SMYD3: variants seen among roughly 807,000 people sequenced by gnomAD.
The protein encoded by SMYD3 is histone-lysine N-methyltransferase SMYD3.
SMYD3 carries 36 observed loss-of-function variants against 57.7 expected under a neutral mutation model. The observed-to-expected ratio is 0.62, with a 90% CI of 0.48 to 0.82. The LOEUF is 0.82. SMYD3 is among the 40% of genes least tolerant of loss of function. The pLI, the probability that SMYD3 is intolerant of heterozygous loss-of-function variation, is 0.00. For synonymous variants in SMYD3, 211 were observed against 195.0 expected (o/e 1.08, Z -0.68); for missense variants, 515 against 538.8 (o/e 0.96, Z 0.44).
intron 5 of SMYD3, among the ~76,000 whole-genome samples, chr1:246,180,914 C>A (rs1355695075): frequency 6.6e-6 from 1 of 151,496 alleles, no homozygotes; most frequent in East Asian, 1.9e-4. Context: ...GCGTAAGGAG[C>A]CATAAAGAGA....
chr1:245,940,512 G>C (rs1158729425), intron 5 of SMYD3, among the ~76,000 whole-genome samples: 1 of 152,010 alleles, frequency 6.6e-6, no homozygotes, highest in Non-Finnish European at 1.5e-5. Flanking sequence ...ATACGGTCTG[G>C]AATGGACTCA....
chr1:246,415,529 G>T (rs1189840015), intron 1 of SMYD3, among the ~76,000 whole-genome samples: 2 of 152,064 alleles, frequency 1.3e-5, no homozygotes, highest in Non-Finnish European at 2.9e-5. Context: ...CTAGTTCATA[G>T]AACTAGATCT....
intron 5 of SMYD3, among the ~76,000 whole-genome samples, chr1:246,183,324 G>A (rs1572170622): frequency 6.6e-6 from 1 of 151,376 alleles, no homozygotes; most frequent in Admixed American, 6.6e-5. Context: ...CGTCTTCAAA[G>A]CATTTTCAAG....
In SMYD3 at chr1:245,954,416, G is replaced by A. The variant is rs1314507182; in HGVS notation, c.532-24479C>T. 5.9e-5 allele frequency among the ~76,000 whole-genome samples: 9 copies of A among 152,338 alleles called. No individual in the cohort carries two copies. The East Asian group carries it at 9.6e-4, about 16-fold the overall frequency. ...GCCAGGTGTGGTGGCTCACACACCTGTAATCTTAGCACTTTGGGAGACTGA... is the reference window on the plus strand; with the variant it reads ...GCCAGGTGTGGTGGCTCACACACCTATAATCTTAGCACTTTGGGAGACTGA... On this transcript the variant is annotated intron_variant, in intron 5 of 11. Transcript: ENST00000490107.
chr1:246,158,645 A>G (rs1490199004), intron 5 of SMYD3, among the ~76,000 whole-genome samples: 2 of 152,198 alleles, frequency 1.3e-5, no homozygotes, highest in Non-Finnish European at 2.9e-5. Context: ...TACGTGCTCA[A>G]TTTATTGATG....
intron 5 of SMYD3, among the ~76,000 whole-genome samples, chr1:246,151,834 C>G (rs1364943584): frequency 2.0e-5 from 3 of 152,182 alleles, no homozygotes; most frequent in African/African-American, 7.2e-5. Flanking sequence ...GGCCTGCTTT[C>G]CAGTGACCTT....
At chr1:246,446,319 T>A (rs2067551417) in intron 1 of SMYD3, among the ~76,000 whole-genome samples, 3 of 152,184 alleles carry the variant, frequency 2.0e-5, no homozygotes. Flanking sequence ...ATAAAAAAAG[T>A]ATTATCATAT....
At chr1:245,832,093 C>G (rs2049868803) in intron 10 of SMYD3, among the ~76,000 whole-genome samples, 1 of 152,178 alleles carries the variant, frequency 6.6e-6, no homozygotes, top group African/African-American at 2.4e-5. Context: ...GCATCTTTTA[C>G]CACATTCAGT....
chr1:245,938,862 G>T (rs12063272), intron 5 of SMYD3, among the ~76,000 whole-genome samples: 3 of 152,322 alleles, frequency 2.0e-5, no homozygotes, highest in Admixed American at 6.5e-5. Flanking sequence ...CACCGCTTCA[G>T]TGAGTTGCTG....
intron 5 of SMYD3, among the ~76,000 whole-genome samples, chr1:246,032,434 C>T (rs1192681447): frequency 1.3e-5 from 2 of 152,194 alleles, no homozygotes; most frequent in Admixed American, 1.3e-4. Flanking sequence ...CTGAGCATTA[C>T]CAGCCATGAG....
At chr1:245,812,700 C>CAAAAA (rs201426225) in intron 10 of SMYD3, among the ~76,000 whole-genome samples, 975 of 46,412 alleles carry the variant, frequency 0.021, 31 homozygotes, top group African/African-American at 0.04. Context: ...AACAACAGTT[C>CAAAAA]CAAAAAAAAA....
chr1:246,358,547 T>C (rs544899637), intron 1 of SMYD3, among the ~76,000 whole-genome samples: 13 of 152,248 alleles, frequency 8.5e-5, no homozygotes, highest in South Asian at 8.3e-4. Flanking sequence ...TTCTCCAAGA[T>C]AGAACATATG....
Position 246,231,745 on chromosome 1 carries a change from T to C in SMYD3, c.531+95456A>G, listed in dbSNP as rs921615985. On this transcript the variant is annotated intron_variant, in intron 5 of 11. Transcript: ENST00000490107. ...AAGGCATGGCATGAATGATAATTAC[T>C]GCTTTGGGTACAAATCTGCACACAT... 4.1e-4 allele frequency among the ~76,000 whole-genome samples: 63 copies of C among 152,346 alleles called. No individual in the cohort carries two copies. The East Asian group carries it at 4.2e-3, about 10-fold the overall frequency.
chr1:246,125,079 A>ACACAC lies in SMYD3; in HGVS notation c.532-195143_532-195142insGTGTG, dbSNP rs1206513856. On this transcript the variant is annotated intron_variant, in intron 5 of 11. Coordinates refer to ENST00000490107, the MANE Select transcript of SMYD3 (RefSeq NM_001167740.2). ...AGAGCGAGACTCCGTCTCAAAAAAAAAAAAAAAAACACACACACACACACA... is the reference window on the plus strand; with the variant it reads ...AGAGCGAGACTCCGTCTCAAAAAAAACACACAAAAAAAAACACACACACACACACA... Among the ~76,000 whole-genome samples the ACACAC allele has an allele frequency of 2.7e-3, 292 of 108,284 alleles. 3 individuals are homozygous for ACACAC. Among genetic ancestry groups the ACACAC allele is most frequent in the African/African-American group, 6.9e-3 (251 of 36,128 alleles). 71.0% of individuals were successfully genotyped at this position (108,284 alleles called of 152,430 possible). A position where few individuals can be genotyped will look rare whatever the true frequency, so the allele number is the denominator to read the frequency against.
In SMYD3 at chr1:246,393,127, G is replaced by A. The variant is rs2066599482; in HGVS notation, c.165-38033C>T. On this transcript the variant is annotated intron_variant, in intron 1 of 11. Coordinates refer to ENST00000490107, the MANE Select transcript of SMYD3 (RefSeq NM_001167740.2). ...TATACAATCCATATAATGAGTACAA[G>A]TTTTATTTTAGAAAGAAGGAAAATG... Among the ~76,000 whole-genome samples, 9 of 152,064 alleles carry A rather than the reference G, an allele frequency of 5.9e-5. No individual in the cohort carries two copies. The South Asian group carries it at 1.9e-3, about 32-fold the overall frequency.
intron 1 of SMYD3, among the ~76,000 whole-genome samples, chr1:246,364,591 T>C (rs946444449): frequency 2.0e-5 from 3 of 152,208 alleles, no homozygotes; most frequent in African/African-American, 7.2e-5. Context: ...TGGCAGGTGA[T>C]ACTGAAAGGA....
intron 10 of SMYD3, among the ~76,000 whole-genome samples, chr1:245,794,080 T>C (rs1260408476): frequency 6.6e-6 from 1 of 152,236 alleles, no homozygotes; most frequent in African/African-American, 2.4e-5. Context: ...GGATTTATAC[T>C]CTCCTTATCA....
At chr1:246,341,982 G>A (rs909813433) in intron 2 of SMYD3, among the ~76,000 whole-genome samples, 1 of 152,156 alleles carries the variant, frequency 6.6e-6, no homozygotes, top group African/African-American at 2.4e-5. Context: ...GATCTGCAAG[G>A]CAGTCTTCCA....
chr1:245,920,870 C>A (rs547120209), intron 7 of SMYD3, among the ~76,000 whole-genome samples: 2 of 152,170 alleles, frequency 1.3e-5, no homozygotes, highest in Admixed American at 1.3e-4. Flanking sequence ...CCATTCTGGA[C>A]GTCAGCTTTC....
Sources: allele counts gnomAD v4.1 joint callset (sites outside exome capture counted in the v4.1 genomes callset), GRCh38; gene constraint gnomAD v4.1.1; transcripts MANE v1.5; gene names NCBI Gene and HGNC (gene_info 2026-07-23, HGNC 2026-07-21).